COG5: variants seen among roughly 807,000 people sequenced by gnomAD.
COG5 encodes the protein component of oligomeric golgi complex 5.
A neutral mutation model predicts 110.4 loss-of-function variants in COG5; 86 were observed. The observed-to-expected ratio is 0.78, with a 90% CI of 0.65 to 0.93. The LOEUF (loss-of-function observed/expected upper bound fraction) is 0.93. Among genes scored for constraint, COG5 ranks in the 40% least tolerant of loss-of-function variants. The pLI, the probability that COG5 is intolerant of heterozygous loss-of-function variation, is 0.00. For synonymous variants in COG5, 360 were observed against 334.6 expected, an observed-to-expected ratio of 1.08 and a Z score of -0.83; for missense variants, 1,077 against 987.0, an observed-to-expected ratio of 1.09 and a Z score of -1.22.
intron 11 of COG5, among the ~76,000 whole-genome samples, chr7:107,316,626 A>C (rs1208253054): frequency 6.7e-6 from 1 of 149,108 alleles, no homozygotes; most frequent in Admixed American, 6.7e-5. Context: ...ATTCTGGCTA[A>C]CACAGTGAAA....
chr7:107,324,521 C>G lies in COG5; in HGVS notation c.1027G>C (p.Asp343His). The G allele has an allele frequency of 6.3e-7, 1 of 1,596,176 alleles. No individual in the cohort carries two copies. The highest frequency in any genetic ancestry group is 8.6e-7 in the Non-Finnish European group (1 of 1,169,424). The change falls in exon 11 of 22, where the codon GAT becomes CAT. Residue 343 changes from aspartate to histidine, a missense_variant and splice_region_variant. Transcript: ENST00000297135. ...HICFIEEIVKDGQPEIFYTFW... is the reference protein window; with the variant it reads ...HICFIEEIVKHGQPEIFYTFW... ...GTGTAGAAAATTTCCGGTTGTCCAT[C>G]CTGTGAAGAACAAACAAAAATTTTT...
intron 17 of COG5, among the ~76,000 whole-genome samples, chr7:107,242,148 A>G (rs1039332938): frequency 6.6e-6 from 1 of 152,216 alleles, no homozygotes; most frequent in Non-Finnish European, 1.5e-5. Flanking sequence ...AATTAGAAGC[A>G]GCTAGTGTGC....
At chr7:107,312,854 G>A (rs1444088992) in intron 11 of COG5, among the ~76,000 whole-genome samples, 1 of 121,400 alleles carries the variant, frequency 8.2e-6, no homozygotes, top group East Asian at 2.4e-4. Context: ...GCAGAAGAAG[G>A]GAAAAACTAA....
At chr7:107,452,287 A>C (rs73724518) in intron 6 of COG5, among the ~76,000 whole-genome samples, 12 of 152,282 alleles carry the variant, frequency 7.9e-5, no homozygotes, top group African/African-American at 2.9e-4. Flanking sequence ...ACTCCCTTGG[A>C]GTCATCAATG....
At chr7:107,281,207 T>C (rs1805137372) in intron 14 of COG5, 93 bp downstream of exon 14, 8 of 843,674 alleles carry the variant, frequency 9.5e-6, no homozygotes, top group South Asian at 1.6e-5. Context: ...AGTAAGTAAA[T>C]AGTCAATTCA....
chr7:107,369,612 C>G (rs1357071480), intron 8 of COG5, among the ~76,000 whole-genome samples: 1 of 152,130 alleles, frequency 6.6e-6, no homozygotes, highest in African/African-American at 2.4e-5. Flanking sequence ...TGGTCTCAAA[C>G]TCTTGACCTC....
intron 7 of COG5, among the ~76,000 whole-genome samples, chr7:107,399,804 C>T (rs891693927): frequency 2.0e-5 from 3 of 152,098 alleles, no homozygotes; most frequent in African/African-American, 7.2e-5. Flanking sequence ...CACTATTAAG[C>T]AGTTAAAAAG....
intron 6 of COG5, among the ~76,000 whole-genome samples, chr7:107,497,709 C>A (rs927801351): frequency 6.6e-6 from 1 of 152,030 alleles, no homozygotes; most frequent in African/African-American, 2.4e-5. Context: ...TTAAAATTTC[C>A]CTACTATTCA....
intron 19 of COG5, among the ~76,000 whole-genome samples, chr7:107,225,242 TTTC>T (rs1185552266): frequency 6.6e-6 from 1 of 152,250 alleles, no homozygotes; most frequent in Admixed American, 6.5e-5. Context: ...GCTGCCTGTT[TTTC>T]TTGTCAACTC....
At chr7:107,541,354 G>T (rs1023701071) in intron 5 of COG5, among the ~76,000 whole-genome samples, 1 of 149,190 alleles carries the variant, frequency 6.7e-6, no homozygotes, top group South Asian at 2.1e-4. Context: ...AAAATTGGCT[G>T]GGTGTGGTGG....
chr7:107,475,140 T>C (rs1423774904), intron 6 of COG5: 1 of 1,609,714 alleles, frequency 6.2e-7, no homozygotes, highest in South Asian at 1.1e-5. Context: ...ATGGAACAAC[T>C]ATATTTCACC....
intron 16 of COG5, among the ~76,000 whole-genome samples, chr7:107,252,408 C>T (rs1448587108): frequency 6.6e-6 from 1 of 151,990 alleles, no homozygotes; most frequent in African/African-American, 2.4e-5. Context: ...TAGTTATAAG[C>T]CTTTCCACAG....
At chr7:107,461,991 T>A (rs1396799262) in intron 6 of COG5, among the ~76,000 whole-genome samples, 1 of 152,166 alleles carries the variant, frequency 6.6e-6, no homozygotes, top group African/African-American at 2.4e-5. Context: ...GTGATATCAA[T>A]TAAAATCCCA....
intron 12 of COG5, among the ~76,000 whole-genome samples, chr7:107,295,415 T>C (rs1806659219): frequency 6.6e-6 from 1 of 152,100 alleles, no homozygotes; most frequent in Non-Finnish European, 1.5e-5. Context: ...TTTTATTTGC[T>C]TCATAGCAAT....
At chr7:107,429,680 G>A (rs546288792) in intron 6 of COG5, among the ~76,000 whole-genome samples, 12 of 152,276 alleles carry the variant, frequency 7.9e-5, no homozygotes, top group Admixed American at 7.2e-4. Flanking sequence ...TGTTGTGAGA[G>A]GGACCTGGTG....
intron 16 of COG5, among the ~76,000 whole-genome samples, chr7:107,255,576 C>T (rs1169577802): frequency 6.6e-6 from 1 of 152,002 alleles, no homozygotes; most frequent in Non-Finnish European, 1.5e-5. Flanking sequence ...GCTCTTTTCT[C>T]TAAATATGTG....
chr7:107,395,875 C>A (rs1157371470), intron 7 of COG5, among the ~76,000 whole-genome samples: 1 of 152,016 alleles, frequency 6.6e-6, no homozygotes, highest in African/African-American at 2.4e-5. Context: ...ATTCTTTAAA[C>A]CACTCCCCCT....
chr7:107,555,101 T>C (rs1463116627), intron 2 of COG5, among the ~76,000 whole-genome samples: 1 of 152,224 alleles, frequency 6.6e-6, no homozygotes, highest in Non-Finnish European at 1.5e-5. Flanking sequence ...CATTCAGTGC[T>C]CACCTATACC....
chr7:107,298,099 AAAATT>A, intron 12 of COG5, 38 bp downstream of exon 12: 1 of 957,248 alleles, frequency 1.0e-6, no homozygotes, highest in Non-Finnish European at 1.5e-6. Flanking sequence ...AAATAAAAAT[AAAATT>A]AAGATGCCAA....
Sources: allele counts gnomAD v4.1 joint callset (sites outside exome capture counted in the v4.1 genomes callset), GRCh38; gene constraint gnomAD v4.1.1; transcripts MANE v1.5; gene names NCBI Gene and HGNC (gene_info 2026-07-23, HGNC 2026-07-21).